BCO1: variants seen among roughly 807,000 people sequenced by gnomAD.
The protein encoded by BCO1 is beta-carotene oxygenase 1, also known as beta,beta-carotene 15,15'-dioxygenase.
BCO1 carries 54 observed loss-of-function variants against 56.3 expected under a neutral mutation model. The ratio of observed to expected loss-of-function variants is 0.96; its 90% CI spans 0.77 to 1.20. The LOEUF (loss-of-function observed/expected upper bound fraction) is 1.20. Among genes scored for constraint, BCO1 ranks in the 50% most tolerant of loss-of-function variants. BCO1 has a pLI of 0.00. For missense variants in BCO1, 801 were observed against 690.9 expected (o/e 1.16, Z -1.79); for synonymous variants, 318 against 266.1 (o/e 1.20, Z -1.90).
intron 6 of BCO1, among the ~76,000 whole-genome samples, chr16:81,269,784 T>C (rs191270758): frequency 6.6e-6 from 1 of 152,286 alleles, no homozygotes. Context: ...CAGTCTTAGA[T>C]GGAGCCTGGC....
intron 5 of BCO1, among the ~76,000 whole-genome samples, chr16:81,266,173 T>C (rs1287871655): frequency 6.6e-6 from 1 of 152,238 alleles, no homozygotes; most frequent in Non-Finnish European, 1.5e-5. Context: ...CCTGCTGGGA[T>C]CCACTCCAGA....
intron 5 of BCO1, among the ~76,000 whole-genome samples, chr16:81,267,510 G>T (rs1184769648): frequency 6.6e-6 from 1 of 152,208 alleles, no homozygotes; most frequent in Non-Finnish European, 1.5e-5. Context: ...CTACTCGGGA[G>T]GCTGAGGCAG....
At chr16:81,248,568 G>A (rs1172590451) in intron 2 of BCO1, among the ~76,000 whole-genome samples, 1 of 152,140 alleles carries the variant, frequency 6.6e-6, no homozygotes, top group Non-Finnish European at 1.5e-5. Flanking sequence ...GCAATACCTT[G>A]CAGATTTTAC....
chr16:81,256,237 G>A (rs1398670543), intron 2 of BCO1, among the ~76,000 whole-genome samples: 2 of 152,066 alleles, frequency 1.3e-5, no homozygotes, highest in East Asian at 3.8e-4. Context: ...GCATGCTGGT[G>A]CTCAATCGAT....
chr16:81,243,022 A>G (rs1485622964), intron 1 of BCO1, among the ~76,000 whole-genome samples: 2 of 152,126 alleles, frequency 1.3e-5, no homozygotes, highest in Non-Finnish European at 2.9e-5. Flanking sequence ...CCACTGATCT[A>G]TATGGAATCC....
At chr16:81,251,054 G>A (rs1222472525) in intron 2 of BCO1, among the ~76,000 whole-genome samples, 3 of 152,162 alleles carry the variant, frequency 2.0e-5, no homozygotes, top group Admixed American at 2.0e-4. Context: ...CCAAAACCAT[G>A]TTATTAATAC....
In BCO1 at chr16:81,285,557, G is replaced by T. The variant is rs965295686; in HGVS notation, c.1225G>T (p.Val409Phe). The change falls in exon 9 of 11, where the codon GTC becomes TTC. Residue 409 changes from valine to phenylalanine, a missense_variant. Transcript: ENST00000258168. ...FLYEGLELPR[V>F]NYAHNGKQYR... is the part of the protein sequence containing the mutation. ...CCTTGTAGGCTTAGAGCTTCCACGG[G>T]TCAATTATGCTCACAATGGAAAGCA... 5.0e-6 allele frequency: 8 copies of T among 1,613,448 alleles called. No individual in the cohort carries two copies. The highest frequency in any genetic ancestry group is 6.8e-6 in the Non-Finnish European group (8 of 1,179,426).
At chr16:81,289,771 C>T (rs1470404560) in intron 10 of BCO1, among the ~76,000 whole-genome samples, 2 of 152,184 alleles carry the variant, frequency 1.3e-5, no homozygotes, top group East Asian at 1.9e-4. Context: ...GTGAGATTAT[C>T]GCATCTCTAC....
At chr16:81,248,968 T>C (rs1485115786) in intron 2 of BCO1, among the ~76,000 whole-genome samples, 4 of 152,066 alleles carry the variant, frequency 2.6e-5, no homozygotes, top group African/African-American at 9.7e-5. Flanking sequence ...GTTGAGATCA[T>C]GCCACTGCAC....
intron 5 of BCO1, 35 bp downstream of exon 5, chr16:81,264,822 C>T (rs552746766): frequency 2.5e-5 from 40 of 1,612,268 alleles, no homozygotes; most frequent in Non-Finnish European, 3.0e-5. Context: ...AAAACACAAA[C>T]AACCAAGTGT....
At chr16:81,287,461 C>T (rs1167436360) in intron 10 of BCO1, 55 bp downstream of exon 10, 23 of 1,383,712 alleles carry the variant, frequency 1.7e-5, no homozygotes, top group South Asian at 1.0e-4. Flanking sequence ...GATCGCCCTC[C>T]AACAGAGACA....
intron 7 of BCO1, among the ~76,000 whole-genome samples, chr16:81,271,550 T>C (rs1907219872): frequency 6.6e-6 from 1 of 152,160 alleles, no homozygotes; most frequent in African/African-American, 2.4e-5. Context: ...CCTCCTAGTC[T>C]TCCCCTCCCT....
intron 3 of BCO1, among the ~76,000 whole-genome samples, chr16:81,260,612 G>T (rs1314034407): frequency 6.6e-6 from 1 of 152,132 alleles, no homozygotes; most frequent in African/African-American, 2.4e-5. Flanking sequence ...AGGTTCAAGT[G>T]ATTCTCCTGC....
At chr16:81,261,910 T>A in intron 3 of BCO1, 1 of 447,056 alleles carries the variant, frequency 2.2e-6, no homozygotes, top group Admixed American at 3.3e-5. Context: ...CCCGGCTGAT[T>A]TTTTGTATTT....
intron 7 of BCO1, among the ~76,000 whole-genome samples, chr16:81,276,008 C>T (rs371010831): frequency 2.6e-5 from 4 of 152,222 alleles, no homozygotes; most frequent in East Asian, 3.9e-4. Flanking sequence ...GCCCGAGGTT[C>T]GTGTGCACCC....
intron 7 of BCO1, among the ~76,000 whole-genome samples, chr16:81,277,538 GCA>G (rs1330484642): frequency 6.6e-6 from 1 of 152,078 alleles, no homozygotes; most frequent in African/African-American, 2.4e-5. Flanking sequence ...CTTATACCCA[GCA>G]CCACACTAAA....
At chr16:81,241,273 AC>A (rs1905094774) in intron 1 of BCO1, among the ~76,000 whole-genome samples, 1 of 152,066 alleles carries the variant, frequency 6.6e-6, no homozygotes, top group Non-Finnish European at 1.5e-5. Flanking sequence ...AGATCGCACC[AC>A]TGTACTCCAG....
chr16:81,280,817 C>T lies in BCO1; in HGVS notation c.1102-40C>T, dbSNP rs201705631. 1.7e-5 allele frequency: 24 copies of T among 1,414,948 alleles called. No individual in the cohort carries two copies. In the East Asian group the frequency reaches 5.0e-4, roughly 30 times the overall value. The allele number at this position is 1,414,948 out of a possible 1,614,324, so 87.6% of individuals were successfully genotyped here. On this transcript the variant is annotated intron_variant, in intron 7 of 10. Coordinates refer to ENST00000258168, the MANE Select transcript of BCO1 (RefSeq NM_017429.3). Reference sequence around the variant, plus strand: ...TAAAGCAAATGTTTGCTCTGGATTACACGTTTTTATTTTACTTTTTGAAAA... The same window carrying T: ...TAAAGCAAATGTTTGCTCTGGATTATACGTTTTTATTTTACTTTTTGAAAA...
At chr16:81,243,462 T>C (rs1485573399) in intron 1 of BCO1, among the ~76,000 whole-genome samples, 1 of 151,900 alleles carries the variant, frequency 6.6e-6, no homozygotes, top group Non-Finnish European at 1.5e-5. Context: ...TGATCATTCA[T>C]TCATTCATTC....
Sources: allele counts gnomAD v4.1 joint callset (sites outside exome capture counted in the v4.1 genomes callset), GRCh38; gene constraint gnomAD v4.1.1; transcripts MANE v1.5; gene names NCBI Gene and HGNC (gene_info 2026-07-23, HGNC 2026-07-21).